The following SOS1 variants were observed in gnomAD, a reference collection of about 807,000 sequenced individuals.
The protein encoded by SOS1 is son of sevenless homolog 1.
Under a neutral mutation model 157.6 loss-of-function variants are expected in SOS1, and 25 were observed. That is an observed-to-expected ratio of 0.16 (90% CI 0.12 to 0.22). SOS1 has a LOEUF of 0.22. Ranked by LOEUF, SOS1 falls within the 10% of genes least tolerant of loss-of-function variation. The probability of loss-of-function intolerance (pLI) is 1.00; values close to 1 mark genes in which losing one functional copy is unlikely to be tolerated. For missense variants in SOS1, 1,237 were observed against 1,599.1 expected (o/e 0.77, Z 3.86); for synonymous variants, 528 against 534.0 (o/e 0.99, Z 0.16).
intron 4 of SOS1, among the ~76,000 whole-genome samples, chr2:39,056,456 T>G (rs1553362555): frequency 6.6e-6 from 1 of 151,992 alleles, no homozygotes; most frequent in Non-Finnish European, 1.5e-5. Flanking sequence ...TATTAAGAGA[T>G]TACTCTAATT....
At chr2:39,070,734 T>C (rs543646877) in intron 1 of SOS1, among the ~76,000 whole-genome samples, 3 of 152,224 alleles carry the variant, frequency 2.0e-5, no homozygotes, top group African/African-American at 4.8e-5. Flanking sequence ...CTAGAAAATG[T>C]AGCTATAATT....
chr2:39,054,552 T>G, intron 5 of SOS1, 62 bp downstream of exon 5: 1 of 955,826 alleles, frequency 1.0e-6, no homozygotes, highest in South Asian at 1.3e-5. Flanking sequence ...ACTTCAAATT[T>G]GAAGTGGTCA....
chr2:39,120,305 G>A (rs1012962276), intron 1 of SOS1, 31 bp downstream of exon 1: 18 of 1,547,846 alleles, frequency 1.2e-5, no homozygotes, highest in Non-Finnish European at 1.4e-5. Context: ...GGGGGCTGCG[G>A]CCGGGAAGCG....
chr2:39,062,435 T>TAGA lies in SOS1; in HGVS notation c.214-3632_214-3631insTCT, dbSNP rs1236442094. 1.1e-3 allele frequency among the ~76,000 whole-genome samples: 153 copies of TAGA among 138,516 alleles called. 1 individual carries two copies. The highest frequency in any genetic ancestry group is 3.7e-3 in the East Asian group (18 of 4,852). 90.9% of individuals were successfully genotyped at this position (138,516 alleles called of 152,430 possible). On this transcript the variant is annotated intron_variant, in intron 2 of 22. Transcript: ENST00000402219. The stretch of plus-strand genomic sequence containing the variant: ...TCTGTCTCAAAATAAAAAAAAAAAT[T>TAGA]AAAAAAAAAAAGAAAAGAAAAGAAA...
At chr2:39,104,823 ATATTT>A (rs1488214929) in intron 1 of SOS1, among the ~76,000 whole-genome samples, 2 of 152,210 alleles carry the variant, frequency 1.3e-5, no homozygotes, top group Non-Finnish European at 2.9e-5. Flanking sequence ...AAAAATACAA[ATATTT>A]TATTATTCCA....
chr2:39,079,339 T>C (rs1013229724), intron 1 of SOS1, among the ~76,000 whole-genome samples: 3 of 152,130 alleles, frequency 2.0e-5, no homozygotes, highest in Non-Finnish European at 2.9e-5. Flanking sequence ...AACCAAACTA[T>C]GTTCATTGTT....
At chr2:39,049,327 C>T (rs1670916730) in intron 6 of SOS1, among the ~76,000 whole-genome samples, 1 of 151,860 alleles carries the variant, frequency 6.6e-6, no homozygotes, top group Non-Finnish European at 1.5e-5. Flanking sequence ...TATCCTTGAA[C>T]TGGGTCCAGC....
intron 1 of SOS1, among the ~76,000 whole-genome samples, chr2:39,071,870 G>T (rs888695525): frequency 6.8e-6 from 1 of 148,144 alleles, no homozygotes; most frequent in African/African-American, 2.5e-5. Context: ...CCCCATGCCT[G>T]TCATTCATTC....
chr2:39,034,177 C>T (rs1023378972), intron 8 of SOS1, among the ~76,000 whole-genome samples: 1 of 152,172 alleles, frequency 6.6e-6, no homozygotes, highest in East Asian at 1.9e-4. Context: ...TTTTAACTCC[C>T]TTAGTCCTTT....
At chr2:39,116,566 T>C (rs577264004) in intron 1 of SOS1, among the ~76,000 whole-genome samples, 1 of 152,366 alleles carries the variant, frequency 6.6e-6, no homozygotes, top group South Asian at 2.1e-4. Flanking sequence ...AATGTGCTGT[T>C]ACTCCCCTAC....
At chr2:39,046,376 T>C (rs1189072193) in intron 6 of SOS1, among the ~76,000 whole-genome samples, 2 of 152,174 alleles carry the variant, frequency 1.3e-5, no homozygotes, top group South Asian at 2.1e-4. Context: ...CATAGAAATA[T>C]AGTTTAGTCT....
At chr2:39,113,141 A>G (rs967791715) in intron 1 of SOS1, among the ~76,000 whole-genome samples, 1 of 152,094 alleles carries the variant, frequency 6.6e-6, no homozygotes, top group African/African-American at 2.4e-5. Context: ...CCTGTATCTC[A>G]TAAGAAAAGA....
intron 16 of SOS1, 22 bp from the exon 17 acceptor site, chr2:39,006,551 G>T (rs61601281): frequency 8.3e-7 from 1 of 1,200,258 alleles, no homozygotes; most frequent in Non-Finnish European, 1.2e-6. Flanking sequence ...AAAAATAGGC[G>T]TAAGTTTACA....
At chr2:39,046,566 G>A (rs886358154) in intron 6 of SOS1, among the ~76,000 whole-genome samples, 7 of 146,718 alleles carry the variant, frequency 4.8e-5, no homozygotes, top group African/African-American at 1.0e-4. Flanking sequence ...GTGCAGTGGC[G>A]GGATCTCGGC....
chr2:39,042,334 T>C (rs940173520), intron 6 of SOS1, among the ~76,000 whole-genome samples: 3 of 152,182 alleles, frequency 2.0e-5, no homozygotes, highest in African/African-American at 7.2e-5. Context: ...ACTGAGTCTT[T>C]CCATCCCTGA....
intron 6 of SOS1, among the ~76,000 whole-genome samples, chr2:39,045,271 A>T (rs79124530): frequency 1.5e-4 from 11 of 71,094 alleles, no homozygotes; most frequent in African/African-American, 7.7e-4. Flanking sequence ...AGAGAGAGAG[A>T]GAGTGTGTGT....
chr2:38,997,124 T>C (rs977647914), intron 18 of SOS1, 86 bp from the exon 19 acceptor site: 3 of 1,036,722 alleles, frequency 2.9e-6, no homozygotes, highest in Non-Finnish European at 4.4e-6. Context: ...AAACATTTAA[T>C]ACAAGTAAAT....
intron 1 of SOS1, among the ~76,000 whole-genome samples, chr2:39,109,896 A>C (rs1246521970): frequency 1.3e-5 from 2 of 152,234 alleles, no homozygotes; most frequent in East Asian, 3.8e-4. Flanking sequence ...ACTAAAACAT[A>C]GCTTTTAAAA....
In SOS1 at chr2:38,982,542, C is replaced by A. The variant is rs930083150; in HGVS notation, c.*3282G>T. ...CAGGACCTATACTTGCGTAGTCACA[C>A]AATATATGTTAAAAGAATAAGTAAA... On this transcript the variant is annotated 3_prime_UTR_variant, in exon 23 of 23. Coordinates refer to ENST00000402219, the MANE Select transcript of SOS1 (RefSeq NM_005633.4). The A allele has an allele frequency of 6.6e-6, 1 of 152,128 alleles. No homozygotes were observed. The highest frequency in any genetic ancestry group is 1.5e-5 in the Non-Finnish European group (1 of 68,010). The allele number at this position is 152,128 out of a possible 1,614,324, so 9.4% of individuals were successfully genotyped here.
Sources: allele counts gnomAD v4.1 joint callset (sites outside exome capture counted in the v4.1 genomes callset), GRCh38; gene constraint gnomAD v4.1.1; transcripts MANE v1.5; gene names NCBI Gene and HGNC (gene_info 2026-07-23, HGNC 2026-07-21).